The following AKAP8 variants were observed in gnomAD, a reference collection of about 807,000 sequenced individuals.
AKAP8 encodes A-kinase anchor protein 8.
Under a neutral mutation model 67.5 loss-of-function variants are expected in AKAP8, and 24 were observed. The observed-to-expected ratio is 0.36, with a 90% CI of 0.26 to 0.50. AKAP8 has a LOEUF of 0.50. Ranked by LOEUF, AKAP8 falls within the 20% of genes least tolerant of loss-of-function variation. The pLI, the probability that AKAP8 is intolerant of heterozygous loss-of-function variation, is 0.97. For synonymous variants in AKAP8, 400 were observed against 371.1 expected, an observed-to-expected ratio of 1.08 and a Z score of -0.90; for missense variants, 971 against 955.9, an observed-to-expected ratio of 1.02 and a Z score of -0.21.
In AKAP8 at chr19:15,361,831, G is replaced by C. The variant is rs1321805661; in HGVS notation, c.1303-9C>G. On this transcript the variant is annotated splice_polypyrimidine_tract_variant and intron_variant, in intron 10 of 13. Coordinates refer to ENST00000269701, the MANE Select transcript of AKAP8 (RefSeq NM_005858.4). The stretch of plus-strand genomic sequence containing the variant: ...CTGTTTACAATGTATTCCTAGGTGG[G>C]ATTGGAGAGGGCATAAAGTAAAATG... 5.6e-6 allele frequency: 9 copies of C among 1,608,674 alleles called. No homozygotes were observed. The highest frequency in any genetic ancestry group is 7.7e-6 in the Non-Finnish European group (9 of 1,175,104).
intron 9 of AKAP8, among the ~76,000 whole-genome samples, chr19:15,366,385 C>G (rs1170894212): frequency 2.0e-5 from 3 of 152,090 alleles, no homozygotes; most frequent in African/African-American, 7.2e-5. Context: ...ATCCATTTAT[C>G]TGTTTAAAAT....
At chr19:15,365,583 C>T (rs1231194152) in intron 9 of AKAP8, among the ~76,000 whole-genome samples, 2 of 152,216 alleles carry the variant, frequency 1.3e-5, no homozygotes, top group Admixed American at 1.3e-4. Flanking sequence ...AAGACACCTC[C>T]GCTTCTGCAG....
At position 15,369,840 on chromosome 19, in the gene AKAP8, TCTCTC is replaced by T. The variant is rs1967125394; in HGVS notation, c.1072+301_1072+305del. ...CACAGAAGATGGGCTGGGGGCCTCT[TCTCTC>T]ATGTTTCTCCTTCCCTACAAACTTC... On this transcript the variant is annotated intron_variant, in intron 8 of 13. Transcript: ENST00000269701. The surrounding 1 kb of genome is among the most constrained non-coding windows in gnomAD (Gnocchi z 4.6). Among the ~76,000 whole-genome samples the T allele has an allele frequency of 6.6e-6, 1 of 152,142 alleles. No homozygotes were observed. Among genetic ancestry groups the T allele is most frequent in the African/African-American group, 2.4e-5 (1 of 41,418 alleles).
At chr19:15,359,368 G>A (rs748206557) in intron 12 of AKAP8, among the ~76,000 whole-genome samples, 1 of 152,178 alleles carries the variant, frequency 6.6e-6, no homozygotes, top group Non-Finnish European at 1.5e-5. Context: ...TGGAGGAAAA[G>A]GACAAGCTCT....
At position 15,360,748 on chromosome 19, in the gene AKAP8, A is replaced by G. The variant is rs373871968; in HGVS notation, c.1527+100T>C. On this transcript the variant is annotated intron_variant, in intron 12 of 13. Transcript: ENST00000269701. ...GGAAGTGATAGACTTGAAACATAGC[A>G]AGAACCCCTAAAGATGTTGTTATTC... 59 of 1,403,944 alleles carry G rather than the reference A, an allele frequency of 4.2e-5. No individual in the cohort carries two copies. In the East Asian group the frequency reaches 5.3e-4, roughly 13 times the overall value. The allele number at this position is 1,403,944 out of a possible 1,614,324, so 87.0% of individuals were successfully genotyped here.
chr19:15,358,881 C>T, intron 13 of AKAP8, 86 bp downstream of exon 13: 4 of 1,223,666 alleles, frequency 3.3e-6, no homozygotes, highest in Non-Finnish European at 3.6e-6. Context: ...ATGCTAAATG[C>T]TGCACTCTGG....
rs1036595445 is a variant in AKAP8, at chr19:15,369,025, G to A, written c.1073-703C>T. Reference sequence around the variant, plus strand: ...TCCCAGCATGAGGCCAGGGACGGACGCTGAAAAAAGGTTGGAGAAGCATCT... The same window carrying A: ...TCCCAGCATGAGGCCAGGGACGGACACTGAAAAAAGGTTGGAGAAGCATCT... On this transcript the variant is annotated intron_variant, in intron 8 of 13. Transcript: ENST00000269701. This position sits in a 1 kb window ranked among gnomAD's most constrained non-coding sequence, Gnocchi z 4.6. 2.2e-4 allele frequency: 213 copies of A among 985,576 alleles called. 1 individual carries two copies. Among genetic ancestry groups the A allele is most frequent in the Non-Finnish European group, 2.5e-4 (204 of 830,196 alleles). 61.1% of individuals were successfully genotyped at this position (985,576 alleles called of 1,614,324 possible).
chr19:15,373,755 G>C, intron 4 of AKAP8, 31 bp downstream of exon 4: 3 of 1,583,894 alleles, frequency 1.9e-6, no homozygotes, highest in Non-Finnish European at 2.6e-6. Flanking sequence ...GATGTGTGGG[G>C]TCCCGGGGGA....
chr19:15,359,750 C>T (rs1966935331), intron 12 of AKAP8, among the ~76,000 whole-genome samples: 2 of 152,004 alleles, frequency 1.3e-5, no homozygotes, highest in African/African-American at 2.4e-5. Context: ...AAAACAAACA[C>T]ACAACCATGA....
intron 12 of AKAP8, among the ~76,000 whole-genome samples, chr19:15,360,131 G>A (rs1013842701): frequency 1.3e-4 from 19 of 150,558 alleles, no homozygotes; most frequent in Non-Finnish European, 2.2e-4. Flanking sequence ...GTGAAACTCC[G>A]TAAAAAAAAA....
chr19:15,369,746 G>A lies in AKAP8; in HGVS notation c.1072+400C>T, dbSNP rs113022651. Among the ~76,000 whole-genome samples the A allele has an allele frequency of 5.6e-4, 85 of 152,326 alleles. No individual in the cohort carries two copies. The Middle Eastern group carries it at 0.024, about 43-fold the overall frequency. On this transcript the variant is annotated intron_variant, in intron 8 of 13. Coordinates refer to ENST00000269701, the MANE Select transcript of AKAP8 (RefSeq NM_005858.4). The surrounding 1 kb of genome is among the most constrained non-coding windows in gnomAD (Gnocchi z 4.6). ...GCCCACAGCACAGCCCAGGGCAGGCGACTGAAGGAACTGGACAAAAGGAAG... is the reference window on the plus strand; with the variant it reads ...GCCCACAGCACAGCCCAGGGCAGGCAACTGAAGGAACTGGACAAAAGGAAG...
At chr19:15,377,133 TC>T (rs1021742732) in intron 1 of AKAP8, 119 bp from the exon 2 acceptor site, 34 of 1,124,038 alleles carry the variant, frequency 3.0e-5, no homozygotes, top group African/African-American at 3.2e-5. Flanking sequence ...GAAGGAAGAC[TC>T]CCCCCCACCC....
chr19:15,363,965 C>CGTT (rs1379545243), intron 9 of AKAP8, among the ~76,000 whole-genome samples: 1 of 151,608 alleles, frequency 6.6e-6, no homozygotes, highest in African/African-American at 2.4e-5. Flanking sequence ...GGCAGCATGC[C>CGTT]AAGAGTCGTC....
intron 13 of AKAP8, among the ~76,000 whole-genome samples, chr19:15,358,344 C>A (rs1026826631): frequency 6.6e-6 from 1 of 151,946 alleles, no homozygotes; most frequent in African/African-American, 2.4e-5. Flanking sequence ...GGAAAATTCT[C>A]ATGTACCTTG....
At chr19:15,370,494 T>C (rs1967136623) in intron 7 of AKAP8, among the ~76,000 whole-genome samples, 1 of 152,182 alleles carries the variant, frequency 6.6e-6, no homozygotes, top group Non-Finnish European at 1.5e-5. Context: ...ACCCGTACAA[T>C]TCTATGAATG....
In AKAP8 at chr19:15,354,521, A is replaced by G. The variant is rs543212775; in HGVS notation, c.*394T>C. On this transcript the variant is annotated 3_prime_UTR_variant, in exon 14 of 14. Coordinates refer to ENST00000269701, the MANE Select transcript of AKAP8 (RefSeq NM_005858.4). ...AAAAATCCTCTATAGAGCAAGATATATTCCTAGTATTCAGCTGTTCCCAAC... is the reference window on the plus strand; with the variant it reads ...AAAAATCCTCTATAGAGCAAGATATGTTCCTAGTATTCAGCTGTTCCCAAC... The G allele has an allele frequency of 1.3e-4, 26 of 206,084 alleles. No individual in the cohort carries two copies. Among genetic ancestry groups the G allele is most frequent in the African/African-American group, 5.8e-4 (25 of 43,174 alleles). The allele number at this position is 206,084 out of a possible 1,614,324, so 12.8% of individuals were successfully genotyped here. A position where few individuals can be genotyped will look rare whatever the true frequency, so the allele number is the denominator to read the frequency against.
In AKAP8 at chr19:15,373,862, G is replaced by T; in HGVS notation, c.295C>A (p.Arg99Ser). The change falls in exon 4 of 14, where the codon CGT (arginine) becomes AGT (serine). Residue 99 changes from arginine to serine, a missense_variant. Coordinates refer to ENST00000269701, the MANE Select transcript of AKAP8 (RefSeq NM_005858.4). Reference protein sequence around the residue: ...SDSLIAKINQRLDMMSKEGGR... With the variant: ...SDSLIAKINQSLDMMSKEGGR... Reference sequence around the variant, plus strand: ...CCTTCCTTGGACATCATGTCCAAACGCTGGTTGATCTTGGCAATGAGGGAG... The same window carrying T: ...CCTTCCTTGGACATCATGTCCAAACTCTGGTTGATCTTGGCAATGAGGGAG... 1 of 1,613,008 alleles carries T rather than the reference G, an allele frequency of 6.2e-7. No homozygotes were observed. The highest frequency in any genetic ancestry group is 8.5e-7 in the Non-Finnish European group (1 of 1,179,944).
At chr19:15,377,091 G>A (rs1218677004) in intron 1 of AKAP8, 77 bp from the exon 2 acceptor site, 29 of 1,499,474 alleles carry the variant, frequency 1.9e-5, no homozygotes, top group Non-Finnish European at 2.6e-5. Context: ...CTCCTAAAGG[G>A]ATCTCCTTAC....
At chr19:15,360,739 A>G in intron 12 of AKAP8, 109 bp downstream of exon 12, 1 of 1,358,716 alleles carries the variant, frequency 7.4e-7, no homozygotes, top group Non-Finnish European at 9.8e-7. Context: ...GATAGACTTG[A>G]AACATAGCAA....
Sources: allele counts gnomAD v4.1 joint callset (sites outside exome capture counted in the v4.1 genomes callset), GRCh38; gene constraint gnomAD v4.1.1; non-coding constraint Gnocchi (gnomAD v3.1); transcripts MANE v1.5; gene names NCBI Gene and HGNC (gene_info 2026-07-23, HGNC 2026-07-21).